HHAT: variants seen among roughly 807,000 people sequenced by gnomAD.
HHAT encodes the protein hedgehog acyltransferase.
In HHAT, 47 loss-of-function variants were observed where a neutral mutation model predicts 70.8. The observed-to-expected ratio is 0.66, with a 90% CI of 0.53 to 0.85. The LOEUF (loss-of-function observed/expected upper bound fraction) is 0.85. Ranked by LOEUF, HHAT falls within the 40% of genes least tolerant of loss-of-function variation. The pLI is 0.00. For missense variants in HHAT, 609 were observed against 604.8 expected (o/e 1.01, Z -0.07); for synonymous variants, 228 against 247.6 (o/e 0.92, Z 0.74).
At chr1:210,460,087 G>A (rs2093949159) in intron 7 of HHAT, among the ~76,000 whole-genome samples, 1 of 152,166 alleles carries the variant, frequency 6.6e-6, no homozygotes, top group Middle Eastern at 3.2e-3. Context: ...ATGACAACTG[G>A]GTTCTAAGAG....
chr1:210,665,144 A>T (rs1305980462), intron 11 of HHAT, among the ~76,000 whole-genome samples: 4 of 152,194 alleles, frequency 2.6e-5, no homozygotes, highest in Non-Finnish European at 4.4e-5. Context: ...AGTGCACCCC[A>T]TGGACGTGGA....
intron 10 of HHAT, among the ~76,000 whole-genome samples, chr1:210,596,941 C>A (rs1472942019): frequency 6.6e-6 from 1 of 152,122 alleles, no homozygotes; most frequent in African/African-American, 2.4e-5. Context: ...ACAGTTTGGG[C>A]TTCTTTGTGC....
intron 7 of HHAT, among the ~76,000 whole-genome samples, chr1:210,432,719 C>T (rs911201929): frequency 5.9e-5 from 9 of 151,808 alleles, no homozygotes; most frequent in Non-Finnish European, 1.2e-4. Context: ...TCAGGGTCTC[C>T]GTCTCTCCAG....
At chr1:210,496,734 G>A (rs1558025823) in intron 8 of HHAT, among the ~76,000 whole-genome samples, 1 of 152,200 alleles carries the variant, frequency 6.6e-6, no homozygotes, top group African/African-American at 2.4e-5. Flanking sequence ...CTACACCCAT[G>A]GTTAATTAGC....
chr1:210,604,407 G>T (rs1284787427), intron 10 of HHAT, among the ~76,000 whole-genome samples: 23 of 151,964 alleles, frequency 1.5e-4, no homozygotes, highest in Non-Finnish European at 1.9e-4. Flanking sequence ...TATTGAGAGG[G>T]AATATGTTCT....
At chr1:210,397,524 A>G (rs2091856131) in intron 4 of HHAT, among the ~76,000 whole-genome samples, 1 of 151,474 alleles carries the variant, frequency 6.6e-6, no homozygotes, top group Non-Finnish European at 1.5e-5. Flanking sequence ...GTGATGAGTC[A>G]GAAGTGTTGT....
intron 3 of HHAT, among the ~76,000 whole-genome samples, chr1:210,382,452 A>AT (rs1250544664): frequency 6.6e-6 from 1 of 152,148 alleles, no homozygotes; most frequent in Non-Finnish European, 1.5e-5. Flanking sequence ...AGATAGGCTG[A>AT]TTTTTTGGCT....
intron 3 of HHAT, among the ~76,000 whole-genome samples, chr1:210,385,463 C>G (rs2090975560): frequency 6.6e-6 from 1 of 151,988 alleles, no homozygotes; most frequent in African/African-American, 2.4e-5. Context: ...GGATCAGGAG[C>G]CAGGTTAAAG....
intron 3 of HHAT, 28 bp from the exon 4 acceptor site, chr1:210,387,440 C>T: frequency 6.4e-7 from 1 of 1,574,698 alleles, no homozygotes; most frequent in Non-Finnish European, 8.7e-7. Flanking sequence ...ACTGAAATCC[C>T]TCTGATAAAC....
chr1:210,419,682 CCAAG>C (rs1558480666), intron 7 of HHAT, among the ~76,000 whole-genome samples: 7 of 152,148 alleles, frequency 4.6e-5, no homozygotes, highest in Non-Finnish European at 1.0e-4. Context: ...CAGAATGTTT[CCAAG>C]GACGAAACCT....
At chr1:210,482,169 A>G (rs1004856788) in intron 8 of HHAT, among the ~76,000 whole-genome samples, 1 of 152,192 alleles carries the variant, frequency 6.6e-6, no homozygotes, top group African/African-American at 2.4e-5. Flanking sequence ...GCAGTAATCT[A>G]TAGCCAAGCC....
At chr1:210,519,853 T>C (rs1400943613) in intron 9 of HHAT, among the ~76,000 whole-genome samples, 4 of 146,068 alleles carry the variant, frequency 2.7e-5, no homozygotes, top group Admixed American at 2.7e-4. Flanking sequence ...GTCTTTTTGG[T>C]AATAGCTATT....
Position 210,348,979 on chromosome 1 carries a change from C to G in HHAT, c.4C>G (p.Leu2Val), listed in dbSNP as rs750211206. The change falls in exon 2 of 12, where the codon CTG becomes GTG. Residue 2 changes from leucine (L) to valine (V), a missense_variant. By Grantham distance (32) the Leu-to-Val change is conservative (BLOSUM62 1). Transcript: ENST00000261458. ...GGAACCTTCGTGCCAAGGAGCCATG[C>G]TGCCCCGATGGGAACTGGCACTTTA... Reference protein sequence around the residue: MLPRWELALYLL... With the variant: MVPRWELALYLL... 1 of 1,613,904 alleles carries G rather than the reference C, an allele frequency of 6.2e-7. No individual in the cohort carries two copies. The highest frequency in any genetic ancestry group is 1.7e-5 in the Admixed American group (1 of 59,994).
intron 11 of HHAT, among the ~76,000 whole-genome samples, chr1:210,658,631 T>C (rs1264148258): frequency 6.6e-6 from 1 of 152,178 alleles, no homozygotes; most frequent in African/African-American, 2.4e-5. Flanking sequence ...CAACAGAATA[T>C]ACATTCTTCT....
At chr1:210,643,302 A>T (rs12092331) in intron 11 of HHAT, among the ~76,000 whole-genome samples, 2,499 of 152,326 alleles carry the variant, frequency 0.016, 69 homozygotes, top group African/African-American at 0.056. Context: ...TCTACAAAAA[A>T]ATTTAACTTG....
At chr1:210,347,042 A>G (rs1254504287) in intron 1 of HHAT, among the ~76,000 whole-genome samples, 1 of 152,226 alleles carries the variant, frequency 6.6e-6, no homozygotes, top group Non-Finnish European at 1.5e-5. Context: ...AGAACATTTA[A>G]GATCTACTCT....
chr1:210,515,922 T>C (rs1402931984), intron 9 of HHAT, among the ~76,000 whole-genome samples: 1 of 151,632 alleles, frequency 6.6e-6, no homozygotes, highest in Non-Finnish European at 1.5e-5. Context: ...ATACAAAAAT[T>C]AGCCAGGCGT....
chr1:210,631,443 A>G (rs1231309126), intron 11 of HHAT, among the ~76,000 whole-genome samples: 1 of 152,242 alleles, frequency 6.6e-6, no homozygotes, highest in East Asian at 1.9e-4. Context: ...TGACCAGTCT[A>G]CACACCTACA....
intron 7 of HHAT, among the ~76,000 whole-genome samples, chr1:210,440,053 A>C (rs3753225): frequency 6.6e-6 from 1 of 151,444 alleles, no homozygotes; most frequent in Non-Finnish European, 1.5e-5. Context: ...AGCAGAGGCC[A>C]AGAAGGTCCC....
Sources: gnomAD v4.1 joint callset for allele counts (sites outside exome capture counted in the v4.1 genomes callset) on GRCh38, gnomAD v4.1.1 for gene constraint, MANE v1.5 for transcripts, NCBI Gene and HGNC (gene_info 2026-07-23, HGNC 2026-07-21) for gene names.